Variants in TMEM255B observed in about 807,000 individuals in gnomAD.
TMEM255B encodes the protein family with sequence similarity 70, member B.
Under a neutral mutation model 34.5 loss-of-function variants are expected in TMEM255B, and 35 were observed. That is an observed-to-expected ratio of 1.01 (90% CI 0.77 to 1.34). The LOEUF (loss-of-function observed/expected upper bound fraction) is 1.34, where lower values mean the gene tolerates loss of function less well. Ranked by LOEUF, TMEM255B falls within the 40% of genes most tolerant of loss-of-function variation. TMEM255B has a pLI of 0.00. For synonymous variants in TMEM255B, 206 were observed against 201.2 expected (o/e 1.02, Z -0.20); for missense variants, 432 against 433.2 (o/e 1.00, Z 0.02).
rs149535990 is a variant in TMEM255B, at chr13:113,804,907, A to G, written c.692A>G (p.Tyr231Cys). 4.4e-5 allele frequency: 71 copies of G among 1,601,862 alleles called. No homozygotes were observed. Among genetic ancestry groups the G allele is most frequent in the Admixed American group, 1.3e-4 (8 of 59,782 alleles). ...CAGGTGCCTCTGTCCCAGCTGGCCTATGGCCCAGCCGTCCCACCACAGACC... is the reference window on the plus strand; with the variant it reads ...CAGGTGCCTCTGTCCCAGCTGGCCTGTGGCCCAGCCGTCCCACCACAGACC... ...KDMVPLSQLAYGPAVPPQTLY... is the reference protein window; with the variant it reads ...KDMVPLSQLACGPAVPPQTLY... Residue 231 changes from tyrosine (Y) to cysteine (C), a missense_variant, in exon 8 of 9, where the codon TAT becomes TGT. Tyr to Cys is a radical substitution (Grantham distance 194, BLOSUM62 -2). Transcript: ENST00000375353.
Position 113,812,119 on chromosome 13 carries a change from G to T in TMEM255B, c.*216G>T. 1.7e-6 allele frequency: 1 copy of T among 602,860 alleles called. No homozygotes were observed. Among genetic ancestry groups the T allele is most frequent in the Non-Finnish European group, 2.8e-6 (1 of 353,132 alleles). 37.3% of individuals were successfully genotyped at this position (602,860 alleles called of 1,614,324 possible). A position where few individuals can be genotyped will look rare whatever the true frequency, so the allele number is the denominator to read the frequency against. ...CCCAGGCTGGTGACACCTTGGCTTG[G>T]GCTCTGCTCACATCAAATGGCGCTG... On this transcript the variant is annotated 3_prime_UTR_variant, in exon 9 of 9. Transcript: ENST00000375353.
intron 3 of TMEM255B, among the ~76,000 whole-genome samples, chr13:113,775,849 G>A (rs2050567985): frequency 6.6e-6 from 1 of 152,202 alleles, no homozygotes; most frequent in South Asian, 2.1e-4. Context: ...ACTGGGGGGT[G>A]TTTCTCAGGC....
chr13:113,808,665 T>C (rs1203938720), intron 8 of TMEM255B, among the ~76,000 whole-genome samples: 2 of 150,926 alleles, frequency 1.3e-5, no homozygotes, highest in African/African-American at 4.9e-5. Context: ...CCTGAGGGTT[T>C]AACTCTGTGG....
rs2051397165 is a variant in TMEM255B at position 113,816,037 on chromosome 13, T to C, written c.*4134T>C. 5.3e-6 allele frequency: 1 copy of C among 187,548 alleles called. No homozygotes were observed. The highest frequency in any genetic ancestry group is 1.2e-5 in the Non-Finnish European group (1 of 85,618). The allele number at this position is 187,548 out of a possible 1,614,324, so 11.6% of individuals were successfully genotyped here. On this transcript the variant is annotated 3_prime_UTR_variant, in exon 9 of 9. Coordinates refer to ENST00000375353, the MANE Select transcript of TMEM255B (RefSeq NM_182614.4). ...CGGGTTCTTTTCGGGGAGGCAAGCGTGTTCGCAGCGTGTTCTGTATGGGGA... is the reference window on the plus strand; with the variant it reads ...CGGGTTCTTTTCGGGGAGGCAAGCGCGTTCGCAGCGTGTTCTGTATGGGGA...
chr13:113,811,944 T>G lies in TMEM255B; in HGVS notation c.*41T>G. The G allele has an allele frequency of 6.8e-7, 1 of 1,473,236 alleles. No individual in the cohort carries two copies. Among genetic ancestry groups the G allele is most frequent in the Non-Finnish European group, 9.0e-7 (1 of 1,113,956 alleles). The allele number at this position is 1,473,236 out of a possible 1,614,324, so 91.3% of individuals were successfully genotyped here. A position where few individuals can be genotyped will look rare whatever the true frequency, so the allele number is the denominator to read the frequency against. On this transcript the variant is annotated 3_prime_UTR_variant, in exon 9 of 9. Transcript: ENST00000375353. ...AAAGATAACTTGTTTGTTTTTTTTT[T>G]TAAAAAAAAGGCAGCCTCTAGAAAT...
intron 3 of TMEM255B, among the ~76,000 whole-genome samples, chr13:113,784,323 A>T (rs1030382290): frequency 6.6e-6 from 1 of 152,144 alleles, no homozygotes; most frequent in East Asian, 1.9e-4. Flanking sequence ...GGAGTTCCCA[A>T]GATTTTCCCC....
At chr13:113,808,331 C>G (rs2051223534) in intron 8 of TMEM255B, among the ~76,000 whole-genome samples, 3 of 152,158 alleles carry the variant, frequency 2.0e-5, no homozygotes, top group Non-Finnish European at 4.4e-5. Context: ...GAGGACGTGG[C>G]ATCACAGCAG....
chr13:113,792,977 C>T (rs182596857), intron 3 of TMEM255B, among the ~76,000 whole-genome samples: 1 of 152,388 alleles, frequency 6.6e-6, no homozygotes, highest in East Asian at 1.9e-4. Flanking sequence ...GCGTCCGTGA[C>T]ACTCATGAAT....
intron 3 of TMEM255B, among the ~76,000 whole-genome samples, chr13:113,775,140 CAT>C (rs1594125759): frequency 1.3e-5 from 2 of 151,376 alleles, no homozygotes; most frequent in South Asian, 4.2e-4. Context: ...ACACACACCA[CAT>C]ATATGACACA....
rs2051407782 is a variant in TMEM255B, at chr13:113,816,926, T to C, written c.*5023T>C. 1 of 152,196 alleles carries C rather than the reference T, an allele frequency of 6.6e-6. No individual in the cohort carries two copies. Among genetic ancestry groups the C allele is most frequent in the African/African-American group, 2.4e-5 (1 of 41,426 alleles). The allele number at this position is 152,196 out of a possible 1,614,324, so 9.4% of individuals were successfully genotyped here. A position where few individuals can be genotyped will look rare whatever the true frequency, so the allele number is the denominator to read the frequency against. On this transcript the variant is annotated 3_prime_UTR_variant, in exon 9 of 9. Coordinates refer to ENST00000375353, the MANE Select transcript of TMEM255B (RefSeq NM_182614.4). ...GCTGGAGCTTCTCCTACAAATGGGC[T>C]GTGCTGGGATTAGCCCGGCTGTACA...
intron 8 of TMEM255B, among the ~76,000 whole-genome samples, chr13:113,811,318 G>C (rs1299817053): frequency 2.9e-5 from 4 of 137,886 alleles, no homozygotes; most frequent in East Asian, 2.3e-4. Flanking sequence ...CCTGTGGGGG[G>C]GCCGGTGAGA....
chr13:113,804,756 C>G (rs2051135141), intron 7 of TMEM255B, 129 bp from the exon 8 acceptor site: 1 of 659,252 alleles, frequency 1.5e-6, no homozygotes, highest in Non-Finnish European at 2.3e-6. Context: ...GGTATAAACG[C>G]ACGCCGGGCC....
chr13:113,793,035 C>T (rs2050857567), intron 3 of TMEM255B, among the ~76,000 whole-genome samples: 2 of 152,246 alleles, frequency 1.3e-5, no homozygotes, highest in African/African-American at 4.8e-5. Flanking sequence ...AACCAAGGAC[C>T]ACTAGGGGCA....
rs2051173044 is a variant in TMEM255B, at chr13:113,806,405, G to A, written c.813+1377G>A. Among the ~76,000 whole-genome samples, 1 of 152,136 alleles carries A rather than the reference G, an allele frequency of 6.6e-6. No individual in the cohort carries two copies. Among genetic ancestry groups the A allele is most frequent in the African/African-American group, 2.4e-5 (1 of 41,410 alleles). On this transcript the variant is annotated intron_variant, in intron 8 of 8. Coordinates refer to ENST00000375353, the MANE Select transcript of TMEM255B (RefSeq NM_182614.4). The surrounding 1 kb of genome is among the most constrained non-coding windows in gnomAD (Gnocchi z 4.2). ...AGCAGCTGTTGGGCTCAGTGGAGAT[G>A]ACCAGGGCCTGACAACATCTCCTCG...
chr13:113,778,179 G>A (rs2050610206), intron 3 of TMEM255B, among the ~76,000 whole-genome samples: 1 of 152,230 alleles, frequency 6.6e-6, no homozygotes, highest in Non-Finnish European at 1.5e-5. Flanking sequence ...GAACCCTGCA[G>A]TATAAAAAGC....
Position 113,801,814 on chromosome 13 carries a change from T to C in TMEM255B, c.669+2T>C. 1 of 1,599,432 alleles carries C rather than the reference T, an allele frequency of 6.3e-7. No individual in the cohort carries two copies. The highest frequency in any genetic ancestry group is 8.5e-7 in the Non-Finnish European group (1 of 1,172,860). Reference sequence around the variant, plus strand: ...GTCCTGGGGGCCTTCAAGGACATGGTGAGGCCCCTTGGTGGGACCCCCGCT... The same window carrying C: ...GTCCTGGGGGCCTTCAAGGACATGGCGAGGCCCCTTGGTGGGACCCCCGCT... On this transcript the variant is annotated splice_donor_variant, in intron 7 of 8. Transcript: ENST00000375353. LOFTEE classifies it high-confidence loss of function.
At position 113,772,327 on chromosome 13, in the gene TMEM255B, A is replaced by G. The variant is rs530099894; in HGVS notation, c.252+3167A>G. Among the ~76,000 whole-genome samples, 3 of 152,326 alleles carry G rather than the reference A, an allele frequency of 2.0e-5. No individual in the cohort carries two copies. In the South Asian group the frequency reaches 6.2e-4, roughly 32 times the overall value. On this transcript the variant is annotated intron_variant, in intron 3 of 8. Transcript: ENST00000375353. ...TCTTAATGGTGTCCTTTGAGGCACAAAAGTTTTTAATTTTGATGAACTCTA... is the reference window on the plus strand; with the variant it reads ...TCTTAATGGTGTCCTTTGAGGCACAGAAGTTTTTAATTTTGATGAACTCTA...
intron 1 of TMEM255B, among the ~76,000 whole-genome samples, chr13:113,762,306 A>G (rs2050321992): frequency 6.6e-6 from 1 of 151,574 alleles, no homozygotes; most frequent in Non-Finnish European, 1.5e-5. Context: ...TAAGGTTGGG[A>G]GTCTTCTTTT....
intron 3 of TMEM255B, among the ~76,000 whole-genome samples, chr13:113,784,243 T>C (rs572687344): frequency 1.3e-3 from 201 of 152,154 alleles, no homozygotes; most frequent in African/African-American, 4.6e-3. Flanking sequence ...TTGTTCTAGG[T>C]GTCTCCAGAA....
Sources: allele counts gnomAD v4.1 joint callset (sites outside exome capture counted in the v4.1 genomes callset), GRCh38; gene constraint gnomAD v4.1.1; non-coding constraint Gnocchi (gnomAD v3.1); transcripts MANE v1.5; gene names NCBI Gene and HGNC (gene_info 2026-07-23, HGNC 2026-07-21).